The following PLB1 variants were observed in gnomAD, a reference collection of about 807,000 sequenced individuals.
PLB1 encodes phospholipase B1, also known as phospholipase B1, membrane-associated.
Under a neutral mutation model 227.4 loss-of-function variants are expected in PLB1, and 242 were observed. The observed-to-expected ratio is 1.06, with a 90% CI of 0.96 to 1.18. The LOEUF is 1.18. Among genes scored for constraint, PLB1 ranks in the 50% most tolerant of loss-of-function variants. The pLI is 0.00. For synonymous variants in PLB1, 757 were observed against 682.2 expected (o/e 1.11, Z -1.71); for missense variants, 1,858 against 1,816.3 (o/e 1.02, Z -0.42).
rs767915360 is a variant in PLB1, at chr2:28,620,345, T to C, written c.3383+13T>C. On this transcript the variant is annotated intron_variant, in intron 47 of 57. Coordinates refer to ENST00000327757, the MANE Select transcript of PLB1 (RefSeq NM_153021.5). Reference sequence around the variant, plus strand: ...GACTCTCTTGGAGGTGAGGATGTTCTTGATGCATGCTCTATTGATGATGCT... The same window carrying C: ...GACTCTCTTGGAGGTGAGGATGTTCCTGATGCATGCTCTATTGATGATGCT... The C allele has an allele frequency of 9.4e-6, 15 of 1,588,138 alleles. No individual in the cohort carries two copies. The highest frequency in any genetic ancestry group is 1.2e-5 in the Non-Finnish European group (14 of 1,163,550).
chr2:28,612,769 A>ATTTTTTTTTTTT (rs10557060), intron 43 of PLB1, among the ~76,000 whole-genome samples: 1 of 124,908 alleles, frequency 8.0e-6, no homozygotes, highest in African/African-American at 3.1e-5. Flanking sequence ...CCACACCTGG[A>ATTTTTTTTTTTT]TTTTTTTTTT....
chr2:28,642,007 G>T (rs1690027601), intron 57 of PLB1, among the ~76,000 whole-genome samples: 1 of 152,002 alleles, frequency 6.6e-6, no homozygotes, highest in African/African-American at 2.4e-5. Context: ...CCGCATCCAG[G>T]CCTTTCCTTT....
chr2:28,597,699 G>A (rs1458770105), intron 33 of PLB1, among the ~76,000 whole-genome samples: 1 of 152,196 alleles, frequency 6.6e-6, no homozygotes, highest in Non-Finnish European at 1.5e-5. Context: ...GGCTTGTTGG[G>A]AGATGTGAAA....
intron 17 of PLB1, among the ~76,000 whole-genome samples, chr2:28,560,644 A>C (rs1675911395): frequency 6.6e-6 from 1 of 152,206 alleles, no homozygotes; most frequent in Non-Finnish European, 1.5e-5. Flanking sequence ...TGTCTCGAAA[A>C]ATAAAAATAA....
chr2:28,618,435 A>C (rs1410055797), intron 46 of PLB1, 36 bp downstream of exon 46: 2 of 1,601,346 alleles, frequency 1.2e-6, no homozygotes, highest in Non-Finnish European at 1.7e-6. Context: ...TGGGCAGCTC[A>C]GAGTCCAGCC....
intron 20 of PLB1, among the ~76,000 whole-genome samples, chr2:28,567,449 G>A (rs1677166312): frequency 1.3e-5 from 2 of 149,944 alleles, no homozygotes; most frequent in African/African-American, 4.9e-5. Flanking sequence ...CCATCAACCT[G>A]CTCGGAATGA....
chr2:28,519,416 G>A (rs1405389204), intron 3 of PLB1, among the ~76,000 whole-genome samples: 1 of 152,250 alleles, frequency 6.6e-6, no homozygotes, highest in Admixed American at 6.5e-5. Flanking sequence ...GGGTCCAGGT[G>A]AGGGGAAAAT....
intron 32 of PLB1, among the ~76,000 whole-genome samples, 200 bp from the exon 33 acceptor site, chr2:28,593,481 C>T (rs111984682): frequency 6.6e-6 from 1 of 152,298 alleles, no homozygotes; most frequent in African/African-American, 2.4e-5. Context: ...CTCAGCTCAG[C>T]GAGGAGGCAG....
rs113274573 is a variant in PLB1, at chr2:28,525,832, C to T, written c.285-73C>T. 1.9e-5 allele frequency: 29 copies of T among 1,565,004 alleles called. No homozygotes were observed. The African/African-American group carries it at 3.4e-4, about 18-fold the overall frequency. On this transcript the variant is annotated intron_variant, in intron 5 of 57. Transcript: ENST00000327757. ...CCAAAGACTACTATGAAATAGACCACAGCCAAGGGGAAGGGCTATTGGCAG... is the reference window on the plus strand; with the variant it reads ...CCAAAGACTACTATGAAATAGACCATAGCCAAGGGGAAGGGCTATTGGCAG...
intron 34 of PLB1, among the ~76,000 whole-genome samples, chr2:28,598,410 T>C (rs1305541457): frequency 6.6e-6 from 1 of 152,128 alleles, no homozygotes. Context: ...GTGAATTGTA[T>C]TAATACAATT....
intron 20 of PLB1, among the ~76,000 whole-genome samples, chr2:28,571,773 C>T (rs554734972): frequency 1.3e-5 from 2 of 152,176 alleles, no homozygotes; most frequent in South Asian, 2.1e-4. Context: ...CTACCTCACA[C>T]TTTATACAAA....
intron 49 of PLB1, among the ~76,000 whole-genome samples, chr2:28,624,323 C>T (rs989707305): frequency 2.6e-5 from 4 of 152,140 alleles, no homozygotes; most frequent in Non-Finnish European, 5.9e-5. Flanking sequence ...AGAGTATATA[C>T]TTTTTATCTG....
chr2:28,608,030 A>T (rs970637195), intron 43 of PLB1, among the ~76,000 whole-genome samples: 4 of 151,990 alleles, frequency 2.6e-5, no homozygotes, highest in African/African-American at 4.8e-5. Context: ...TCAGGCAGAG[A>T]CCCCCAAAAG....
intron 9 of PLB1, among the ~76,000 whole-genome samples, chr2:28,534,417 T>A (rs540320329): frequency 6.6e-6 from 1 of 151,938 alleles, no homozygotes; most frequent in Non-Finnish European, 1.5e-5. Context: ...GTAAAAAAAA[T>A]AGAATAGAAT....
Position 28,514,043 on chromosome 2 carries a change from T to C in PLB1, c.56-2765T>C, listed in dbSNP as rs1668566070. Among the ~76,000 whole-genome samples the C allele has an allele frequency of 2.6e-5, 4 of 152,364 alleles. No individual in the cohort carries two copies. The South Asian group carries it at 8.3e-4, about 32-fold the overall frequency. On this transcript the variant is annotated intron_variant, in intron 1 of 57. Coordinates refer to ENST00000327757, the MANE Select transcript of PLB1 (RefSeq NM_153021.5). ...TTAGATCTTCTGCTTATTTAATTCA[T>C]TTTTTAAAACTTAATAGTAGAGTGC...
At chr2:28,497,358 G>A (rs1666575461) in intron 1 of PLB1, among the ~76,000 whole-genome samples, 1 of 152,204 alleles carries the variant, frequency 6.6e-6, no homozygotes, top group Admixed American at 6.5e-5. Context: ...TCGCTGTAGC[G>A]AGACATCACT....
intron 32 of PLB1, among the ~76,000 whole-genome samples, chr2:28,593,293 C>G (rs1682314061): frequency 6.6e-6 from 1 of 152,220 alleles, no homozygotes; most frequent in South Asian, 2.1e-4. Flanking sequence ...ACTGCAGTCG[C>G]TTAAGCCAAT....
chr2:28,518,171 C>T (rs1021986515), intron 2 of PLB1, among the ~76,000 whole-genome samples: 2 of 152,168 alleles, frequency 1.3e-5, no homozygotes, highest in African/African-American at 2.4e-5. Context: ...CATGAGCCAC[C>T]GTGCCCAGCC....
At chr2:28,606,614 A>T (rs756763793) in intron 43 of PLB1, 47 bp downstream of exon 43, 23 of 1,560,028 alleles carry the variant, frequency 1.5e-5, no homozygotes, top group Middle Eastern at 3.6e-4. Context: ...ACCAGGGCAC[A>T]CAGCTCGCCC....
Sources: allele counts gnomAD v4.1 joint callset (sites outside exome capture counted in the v4.1 genomes callset), GRCh38; gene constraint gnomAD v4.1.1; transcripts MANE v1.5; gene names NCBI Gene and HGNC (gene_info 2026-07-23, HGNC 2026-07-21).